Variants in CAMTA1 observed in about 807,000 individuals in gnomAD.
CAMTA1 encodes calmodulin-binding transcription activator 1.
A neutral mutation model predicts 170.9 loss-of-function variants in CAMTA1; 27 were observed. That is an observed-to-expected ratio of 0.16 (90% CI 0.12 to 0.22). CAMTA1 has a LOEUF of 0.22. CAMTA1 is among the 10% of genes least tolerant of loss of function. CAMTA1 has a pLI of 1.00. For missense variants in CAMTA1, 1,619 were observed against 2,217.2 expected (o/e 0.73, Z 5.42); for synonymous variants, 833 against 891.5 (o/e 0.93, Z 1.17).
At chr1:6,868,988 T>C (rs1667585793) in intron 3 of CAMTA1, among the ~76,000 whole-genome samples, 1 of 152,214 alleles carries the variant, frequency 6.6e-6, no homozygotes, top group Admixed American at 6.5e-5. Context: ...CAAGCTGTAA[T>C]GTAAAAAGTC....
At position 6,960,110 on chromosome 1, in the gene CAMTA1, G is replaced by A. The variant is rs1690114958; in HGVS notation, c.235-131194G>A. Among the ~76,000 whole-genome samples, 3 of 152,232 alleles carry A rather than the reference G, an allele frequency of 2.0e-5. No individual in the cohort carries two copies. The East Asian group carries it at 5.8e-4, about 29-fold the overall frequency. ...TTAGGATTAAGCTCTGACCTTGACT[G>A]TTATTCTATGTTTAATTTTTCTTGA... is the stretch of plus-strand genomic sequence containing the variant. On this transcript the variant is annotated intron_variant, in intron 3 of 22. Transcript: ENST00000303635.
chr1:7,704,866 C>G (rs1032859283), intron 11 of CAMTA1, among the ~76,000 whole-genome samples: 1 of 146,226 alleles, frequency 6.8e-6, no homozygotes, highest in Non-Finnish European at 1.5e-5. Context: ...GCAAGCCTGA[C>G]GAGCAGGAGC....
At chr1:6,892,473 A>T (rs1367133000) in intron 3 of CAMTA1, among the ~76,000 whole-genome samples, 1 of 152,174 alleles carries the variant, frequency 6.6e-6, no homozygotes, top group Non-Finnish European at 1.5e-5. Context: ...GAATGAGAAG[A>T]TGATGTAGTT....
At chr1:6,851,692 A>AG (rs1660411097) in intron 3 of CAMTA1, among the ~76,000 whole-genome samples, 1 of 152,188 alleles carries the variant, frequency 6.6e-6, no homozygotes, top group Admixed American at 6.5e-5. Flanking sequence ...CAGCCTAGCC[A>AG]ATGTGGCAAA....
intron 5 of CAMTA1, among the ~76,000 whole-genome samples, chr1:7,287,511 AT>A (rs2149486257): frequency 6.6e-6 from 1 of 151,946 alleles, no homozygotes; most frequent in Admixed American, 6.5e-5. Flanking sequence ...CACCACTGAT[AT>A]TTTTACACGT....
rs778888836 is a variant in CAMTA1, at chr1:7,516,937, C to T, written c.510+49036C>T. ...ATAATCCATGCCCATGTTTAAAAAT[C>T]TAATCATTAAAAAAAGGTAGAATGG... On this transcript the variant is annotated intron_variant, in intron 6 of 22. Transcript: ENST00000303635. 2.8e-4 allele frequency among the ~76,000 whole-genome samples: 42 copies of T among 152,082 alleles called. 1 individual carries two copies. The highest frequency in any genetic ancestry group is 5.0e-4 in the Non-Finnish European group (34 of 68,010).
intron 5 of CAMTA1, among the ~76,000 whole-genome samples, chr1:7,454,486 C>T (rs10399609): frequency 0.016 from 2,407 of 152,336 alleles, 62 homozygotes; most frequent in African/African-American, 0.054. Context: ...TTCAGTGTCG[C>T]GGCCACTGGC....
intron 4 of CAMTA1, among the ~76,000 whole-genome samples, chr1:7,245,259 C>A (rs1235466145): frequency 1.3e-5 from 2 of 150,712 alleles, no homozygotes; most frequent in Non-Finnish European, 3.0e-5. Context: ...CACATACATA[C>A]AATGTCTATA....
intron 3 of CAMTA1, among the ~76,000 whole-genome samples, chr1:6,877,083 G>T (rs1296787867): frequency 1.3e-5 from 2 of 152,180 alleles, no homozygotes; most frequent in Non-Finnish European, 2.9e-5. Flanking sequence ...GTCCTTAGCT[G>T]AGTGAGAGTT....
intron 4 of CAMTA1, among the ~76,000 whole-genome samples, chr1:7,160,562 T>A (rs1274227195): frequency 6.6e-6 from 1 of 152,132 alleles, no homozygotes; most frequent in East Asian, 1.9e-4. Context: ...CCTTCTCTCT[T>A]CTCTTTGTGA....
rs567686398 is a variant in CAMTA1, at chr1:6,791,385, C to T, written c.45+5810C>T. Reference sequence around the variant, plus strand: ...TGGAATGAGATTTAAGCCAGAAGGCCGCTGGTAATAGTATTTGTAACTAGA... The same window carrying T: ...TGGAATGAGATTTAAGCCAGAAGGCTGCTGGTAATAGTATTTGTAACTAGA... On this transcript the variant is annotated intron_variant, in intron 1 of 22. Coordinates refer to ENST00000303635, the MANE Select transcript of CAMTA1 (RefSeq NM_015215.4). Among the ~76,000 whole-genome samples, 1,304 of 152,172 alleles carry T rather than the reference C, an allele frequency of 8.6e-3. 5 individuals carry two copies. Among genetic ancestry groups the T allele is most frequent in the Non-Finnish European group, 0.014 (986 of 68,008 alleles).
Position 7,257,865 on chromosome 1 carries a change from T to C in CAMTA1, c.438+8239T>C, listed in dbSNP as rs371873063. ...TTTGCAGACAGAGGTTTGTCTGTTT[T>C]GGATATTGGTCCCATTGAAGACATG... On this transcript the variant is annotated intron_variant, in intron 5 of 22. Coordinates refer to ENST00000303635, the MANE Select transcript of CAMTA1 (RefSeq NM_015215.4). Among the ~76,000 whole-genome samples the C allele has an allele frequency of 1.9e-3, 291 of 152,328 alleles. 1 individual carries two copies. The highest frequency in any genetic ancestry group is 6.7e-3 in the African/African-American group (278 of 41,568).
intron 3 of CAMTA1, among the ~76,000 whole-genome samples, chr1:6,975,188 C>T (rs1693200030): frequency 6.6e-6 from 1 of 152,172 alleles, no homozygotes; most frequent in African/African-American, 2.4e-5. Flanking sequence ...CTGTCTCCCC[C>T]CACCACCATC....
At chr1:7,307,402 C>T (rs1474381315) in intron 5 of CAMTA1, among the ~76,000 whole-genome samples, 1 of 151,650 alleles carries the variant, frequency 6.6e-6, no homozygotes, top group African/African-American at 2.4e-5. Flanking sequence ...ATAGGGGCAG[C>T]TTTTCTTCTT....
At chr1:7,058,238 C>G (rs1396525709) in intron 3 of CAMTA1, among the ~76,000 whole-genome samples, 2 of 152,146 alleles carry the variant, frequency 1.3e-5, no homozygotes, top group African/African-American at 4.8e-5. Context: ...ACCCCCATTC[C>G]CCCTGGGGCT....
At position 7,675,749 on chromosome 1, in the gene CAMTA1, A is replaced by G. The variant is rs766123694; in HGVS notation, c.2780-1850A>G. Among the ~76,000 whole-genome samples, 35 of 152,128 alleles carry G rather than the reference A, an allele frequency of 2.3e-4. 1 individual carries two copies. Among genetic ancestry groups the G allele is most frequent in the Admixed American group, 2.2e-3 (34 of 15,278 alleles). On this transcript the variant is annotated intron_variant, in intron 10 of 22. Transcript: ENST00000303635. The stretch of plus-strand genomic sequence containing the variant: ...GCATCTGCAGTGGAGATGGAGAGCA[A>G]TGGATGGACCCAGGACTTGCTGATG...
At chr1:7,124,656 C>T (rs1216292366) in intron 4 of CAMTA1, among the ~76,000 whole-genome samples, 7 of 152,190 alleles carry the variant, frequency 4.6e-5, no homozygotes, top group South Asian at 2.1e-4. Flanking sequence ...CTGGCTCTGC[C>T]GTCAGGAAAC....
Position 7,769,611 on chromosome 1 carries a change from A to C in CAMTA1, c.*3120A>C, listed in dbSNP as rs765151810. 1.3e-5 allele frequency: 2 copies of C among 152,810 alleles called. No homozygotes were observed. The allele number at this position is 152,810 out of a possible 1,614,324, so 9.5% of individuals were successfully genotyped here. A position where few individuals can be genotyped will look rare whatever the true frequency, so the allele number is the denominator to read the frequency against. On this transcript the variant is annotated 3_prime_UTR_variant, in exon 23 of 23. Coordinates refer to ENST00000303635, the MANE Select transcript of CAMTA1 (RefSeq NM_015215.4). ...AGAACTCAGCTGCTGGAAACCATGCAAAATGTTTTGAATTGCCCTTAAAAT... is the reference window on the plus strand; with the variant it reads ...AGAACTCAGCTGCTGGAAACCATGCCAAATGTTTTGAATTGCCCTTAAAAT...
At chr1:7,367,291 G>C (rs968413779) in intron 5 of CAMTA1, among the ~76,000 whole-genome samples, 1 of 152,210 alleles carries the variant, frequency 6.6e-6, no homozygotes, top group Non-Finnish European at 1.5e-5. Flanking sequence ...CAGAGCCCCA[G>C]GTAAAACGAA....
Sources: allele counts gnomAD v4.1 joint callset (sites outside exome capture counted in the v4.1 genomes callset), GRCh38; gene constraint gnomAD v4.1.1; transcripts MANE v1.5; gene names NCBI Gene and HGNC (gene_info 2026-07-23, HGNC 2026-07-21).